The following LAMB4 variants were observed in gnomAD, a reference collection of about 807,000 sequenced individuals.
LAMB4 encodes the protein laminin subunit beta 4, also known as laminin subunit beta-4.
LAMB4 carries 196 observed loss-of-function variants against 199.2 expected under a neutral mutation model. That is an observed-to-expected ratio of 0.98 (90% CI 0.88 to 1.11). The LOEUF (loss-of-function observed/expected upper bound fraction) is 1.11. LAMB4 is among the 50% of genes least tolerant of loss of function. The probability of loss-of-function intolerance (pLI) is 0.00; values close to 1 mark genes in which losing one functional copy is unlikely to be tolerated. For synonymous variants in LAMB4, 744 were observed against 770.6 expected (o/e 0.97, Z 0.57); for missense variants, 2,080 against 2,171.2 (o/e 0.96, Z 0.83).
intron 5 of LAMB4, among the ~76,000 whole-genome samples, chr7:108,108,573 C>A (rs532734578): frequency 6.6e-6 from 1 of 152,124 alleles, no homozygotes. Flanking sequence ...CTGTACTTAT[C>A]ACTTTGTATT....
chr7:108,060,032 C>G (rs2036111010), intron 23 of LAMB4, among the ~76,000 whole-genome samples: 2 of 152,164 alleles, frequency 1.3e-5, no homozygotes, highest in Non-Finnish European at 2.9e-5. Context: ...TACCAGGAAC[C>G]ACCTCTTGGC....
Position 108,092,379 on chromosome 7 carries a change from C to T in LAMB4, c.1508G>A (p.Cys503Tyr). The T allele has an allele frequency of 2.5e-6, 4 of 1,613,980 alleles. No homozygotes were observed. The highest frequency in any genetic ancestry group is 2.2e-5 in the South Asian group (2 of 91,080). ...TCCAATATCACAGTCACAGGGAGAA[C>T]ACCCATGGAGATGATTTCCCAGGCC... ...YWGLGNHLHG[C>Y]SPCDCDIGGA... Residue 503 changes from cysteine (C) to tyrosine (Y), a missense_variant, in exon 13 of 34, where the codon TGT becomes TAT. Transcript: ENST00000388781.
intron 22 of LAMB4, among the ~76,000 whole-genome samples, chr7:108,063,462 T>G (rs2036233998): frequency 6.6e-6 from 1 of 152,194 alleles, no homozygotes; most frequent in Admixed American, 6.5e-5. Flanking sequence ...ACAGGTGAAC[T>G]GCGGACTAAA....
In LAMB4 at chr7:108,068,150, C is replaced by T. The variant is rs1392217857; in HGVS notation, c.2312G>A (p.Cys771Tyr). 2.5e-6 allele frequency: 4 copies of T among 1,614,110 alleles called. No homozygotes were observed. The highest frequency in any genetic ancestry group is 1.1e-5 in the South Asian group (1 of 91,078). ...GGATCCGACTGAGCCCTGGGGGTGA[C>T]ACTTGCAGGCTGCAAGGAACAATGG... ...KLHDGAVACK[C>Y]HPQGSVGSSC... The change falls in exon 19 of 34, where the codon TGT becomes TAT. Residue 771 changes from cysteine (C) to tyrosine (Y), a missense_variant. Transcript: ENST00000388781.
intron 25 of LAMB4, 109 bp from the exon 26 acceptor site, chr7:108,052,366 G>T: frequency 1.3e-6 from 1 of 767,920 alleles, no homozygotes; most frequent in Non-Finnish European, 2.0e-6. Context: ...TTGATTAGAA[G>T]GGATTCCTTC....
At chr7:108,049,797 T>C (rs1209996578) in intron 26 of LAMB4, among the ~76,000 whole-genome samples, 3 of 152,228 alleles carry the variant, frequency 2.0e-5, no homozygotes, top group Admixed American at 2.0e-4. Context: ...TGCCTGGGCA[T>C]ACCCTTGAGC....
chr7:108,064,022 T>C (rs756946478), intron 21 of LAMB4, 37 bp from the exon 22 acceptor site: 2 of 1,457,068 alleles, frequency 1.4e-6, no homozygotes, highest in South Asian at 2.3e-5. Flanking sequence ...TGGGGTGAGG[T>C]ATCAGTGTTG....
chr7:108,040,331 C>A (rs1209100738), intron 29 of LAMB4, among the ~76,000 whole-genome samples: 1 of 152,164 alleles, frequency 6.6e-6, no homozygotes, highest in African/African-American at 2.4e-5. Flanking sequence ...AATGGCTATA[C>A]TGCCCAAAAC....
chr7:108,043,545 G>GTTTTTTTTTTT lies in LAMB4; in HGVS notation c.4471+196_4471+206dup, dbSNP rs748169558. On this transcript the variant is annotated intron_variant, in intron 29 of 33. Transcript: ENST00000388781. ...AATATAATTTGGAACTGGCTATGAT[G>GTTTTTTTTTTT]TTTTTTTTTTTTTTTTTTTTTTTTT... 1.0e-3 allele frequency among the ~76,000 whole-genome samples: 56 copies of GTTTTTTTTTTT among 55,932 alleles called. 5 individuals carry two copies. Among genetic ancestry groups the GTTTTTTTTTTT allele is most frequent in the Non-Finnish European group, 1.2e-3 (42 of 34,492 alleles). The allele number at this position is 55,932 out of a possible 152,430, so 36.7% of individuals were successfully genotyped here.
At chr7:108,099,395 G>C (rs1232874151) in intron 10 of LAMB4, among the ~76,000 whole-genome samples, 2 of 152,172 alleles carry the variant, frequency 1.3e-5, no homozygotes, top group Admixed American at 6.5e-5. Context: ...AATTCCAGAG[G>C]GTAGAACCAG....
intron 14 of LAMB4, among the ~76,000 whole-genome samples, chr7:108,082,309 G>A (rs992749980): frequency 4.9e-5 from 7 of 142,260 alleles, no homozygotes; most frequent in South Asian, 2.2e-4. Context: ...CAGCCTGGGC[G>A]AAAGAGCGAG....
At position 108,079,750 on chromosome 7, in the gene LAMB4, C is replaced by A. The variant is rs757435046; in HGVS notation, c.1738G>T (p.Val580Phe). The part of the protein sequence containing the change: ...ETFGQSPAVH[V>F]VLGEPVPGNP... ...CCAGGAACTGGCTCTCCTAAAACAA[C>A]GTGAACAGCAGGACTCTGGCCAAAC... Residue 580 changes from valine (V) to phenylalanine (F), a missense_variant, in exon 15 of 34, where the codon GTT becomes TTT. Physicochemically the swap from Val to Phe is conservative, Grantham distance 50. Coordinates refer to ENST00000388781, the MANE Select transcript of LAMB4 (RefSeq NM_007356.3). 1.2e-6 allele frequency: 2 copies of A among 1,607,598 alleles called. No individual in the cohort carries two copies. Among genetic ancestry groups the A allele is most frequent in the Non-Finnish European group, 1.7e-6 (2 of 1,177,596 alleles).
chr7:108,031,348 GAAAA>G (rs1225770663), intron 31 of LAMB4, among the ~76,000 whole-genome samples: 2 of 29,630 alleles, frequency 6.7e-5, no homozygotes, highest in African/African-American at 1.6e-4. Flanking sequence ...AAAAAAAAAA[GAAAA>G]AAAAGAAAAA....
intron 26 of LAMB4, 140 bp downstream of exon 26, chr7:108,051,957 A>G: frequency 3.5e-6 from 2 of 574,838 alleles, no homozygotes; most frequent in Admixed American, 3.0e-5. Context: ...TGAACAAATA[A>G]TACCTTTAAT....
chr7:108,021,967 G>A (rs530143280), downstream of LAMB4, among the ~76,000 whole-genome samples: 57 of 151,970 alleles, frequency 3.8e-4, no homozygotes, highest in Non-Finnish European at 6.8e-4. Flanking sequence ...CCGGCCAACT[G>A]GATTACTTCT....
At chr7:108,101,496 T>C (rs2037813395) in intron 10 of LAMB4, among the ~76,000 whole-genome samples, 1 of 152,238 alleles carries the variant, frequency 6.6e-6, no homozygotes, top group South Asian at 2.1e-4. Context: ...TGTTGCTTGC[T>C]ATGCCATGAG....
chr7:108,018,111 C>A, the LAMB4 span, among the ~76,000 whole-genome samples: 7 of 152,212 alleles, frequency 4.6e-5, no homozygotes, highest in Non-Finnish European at 1.0e-4. Context: ...GGTTCAGCTG[C>A]TGTAACAGAG....
chr7:108,120,859 C>T (rs2038573927), intron 2 of LAMB4, among the ~76,000 whole-genome samples: 1 of 152,066 alleles, frequency 6.6e-6, no homozygotes, highest in African/African-American at 2.4e-5. Context: ...TATAACCTGA[C>T]TTGGCCAAAC....
At chr7:108,058,569 T>C (rs1372231470) in intron 23 of LAMB4, among the ~76,000 whole-genome samples, 1 of 152,234 alleles carries the variant, frequency 6.6e-6, no homozygotes. Flanking sequence ...TAGTCCTAAA[T>C]TAGCTGCTTA....
Sources: allele counts gnomAD v4.1 joint callset (sites outside exome capture counted in the v4.1 genomes callset), GRCh38; gene constraint gnomAD v4.1.1; transcripts MANE v1.5; gene names NCBI Gene and HGNC (gene_info 2026-07-23, HGNC 2026-07-21).